TRPM7: variants seen among roughly 807,000 people sequenced by gnomAD.
The protein encoded by TRPM7 is LTRPC ion channel family member 7.
Under a neutral mutation model 229.7 loss-of-function variants are expected in TRPM7, and 134 were observed. That is an observed-to-expected ratio of 0.58 (90% CI 0.51 to 0.67). The LOEUF (loss-of-function observed/expected upper bound fraction) is 0.67. Ranked by LOEUF, TRPM7 falls within the 30% of genes least tolerant of loss-of-function variation. The pLI is 0.00. For missense variants in TRPM7, 1,901 were observed against 2,210.0 expected, an observed-to-expected ratio of 0.86 and a Z score of 2.80; for synonymous variants, 699 against 715.2, an observed-to-expected ratio of 0.98 and a Z score of 0.36.
chr15:50,580,776 A>G, intron 30 of TRPM7, 98 bp downstream of exon 30: 2 of 1,122,342 alleles, frequency 1.8e-6, no homozygotes, highest in Non-Finnish European at 2.5e-6. Flanking sequence ...CATCACTCAT[A>G]AAGAAATGTT....
intron 3 of TRPM7, among the ~76,000 whole-genome samples, chr15:50,652,028 G>T (rs2061433880): frequency 6.6e-6 from 1 of 151,400 alleles, no homozygotes; most frequent in South Asian, 2.1e-4. Context: ...CAGAAGAAAA[G>T]ATATGATAAA....
Position 50,609,835 on chromosome 15 carries a change from AGTT to A in TRPM7, c.2404_2406del (p.Asn802del). The A allele has an allele frequency of 1.2e-6, 2 of 1,612,924 alleles. No homozygotes were observed. The highest frequency in any genetic ancestry group is 1.1e-5 in the South Asian group (1 of 90,796). ...GGGATCTCTTCTGTTATGTTCTGAA[AGTT>A]GTTTTCGCTGTCATCCATTGTCATC... On this transcript the variant is annotated inframe_deletion, in exon 18 of 39. Coordinates refer to ENST00000646667, the MANE Select transcript of TRPM7 (RefSeq NM_017672.6).
intron 13 of TRPM7, among the ~76,000 whole-genome samples, chr15:50,617,176 AAATAAAAT>A (rs1176989296): frequency 7.4e-6 from 1 of 134,836 alleles, no homozygotes; most frequent in East Asian, 2.1e-4. Flanking sequence ...ATAAATAAAT[AAATAAAAT>A]AAATTAGCCA....
Position 50,569,947 on chromosome 15 carries a change from T to C in TRPM7, c.5407A>G (p.Ile1803Val), listed in dbSNP as rs1002808509. 2 of 1,612,568 alleles carry C rather than the reference T, an allele frequency of 1.2e-6. No homozygotes were observed. Among genetic ancestry groups the C allele is most frequent in the Admixed American group, 3.3e-5 (2 of 59,874 alleles). Residue 1803 changes from isoleucine (I) to valine (V), a missense_variant, in exon 38 of 39, where the codon ATT (isoleucine) becomes GTT (valine). Ile to Val is a conservative substitution (Grantham distance 29). This residue lies in a region of TRPM7 where 257 missense variants were observed against 352.0 expected (regional missense o/e 0.73). Coordinates refer to ENST00000646667, the MANE Select transcript of TRPM7 (RefSeq NM_017672.6). The stretch of plus-strand genomic sequence containing the variant: ...TGATGTTTTGCTCTGAAGTTTTTAA[T>C]TGCATCTTCTCCTAGATTTGCTGGG... ...FGPANLGEDA[I>V]KNFRAKHHCN...
intron 13 of TRPM7, among the ~76,000 whole-genome samples, chr15:50,617,132 AAATAAATAAAT>A (rs1280023062): frequency 3.0e-4 from 6 of 19,854 alleles, no homozygotes; most frequent in Non-Finnish European, 4.8e-4. Flanking sequence ...TCTACCAAAA[AAATAAATAAAT>A]AAATAAATAA....
chr15:50,678,768 G>C (rs1013631728), intron 1 of TRPM7, among the ~76,000 whole-genome samples: 2 of 152,060 alleles, frequency 1.3e-5, no homozygotes, highest in African/African-American at 4.8e-5. Context: ...AGTGGCTTAT[G>C]CCTGTAACCC....
chr15:50,625,482 C>T (rs2060530327), intron 11 of TRPM7, among the ~76,000 whole-genome samples: 1 of 152,110 alleles, frequency 6.6e-6, no homozygotes, highest in Admixed American at 6.6e-5. Flanking sequence ...AATCATAGCT[C>T]ACTGCAGCCT....
chr15:50,583,094 T>C lies in TRPM7; in HGVS notation c.4552A>G (p.Ile1518Val). 1.2e-6 allele frequency: 2 copies of C among 1,601,926 alleles called. No homozygotes were observed. The highest frequency in any genetic ancestry group is 1.7e-6 in the Non-Finnish European group (2 of 1,174,946). The change falls in exon 29 of 39, where the codon ATA (isoleucine) becomes GTA (valine). Residue 1518 changes from isoleucine (I) to valine (V), a missense_variant. This residue lies in a region of TRPM7 where 533 missense variants were observed against 497.1 expected (regional missense o/e 1.07). Transcript: ENST00000646667. Reference sequence around the variant, plus strand: ...TTTAGTTGAAATCTACAAACCGGTATTAAAGCTGCTTTGGAATCTACTTCA... The same window carrying C: ...TTTAGTTGAAATCTACAAACCGGTACTAAAGCTGCTTTGGAATCTACTTCA... The part of the protein sequence containing the change: ...THEVDSKAAL[I>V]PDWLQDRPSN...
rs893730814 is a variant in TRPM7, at chr15:50,592,637, G to A, written c.3609-11C>T. 2.0e-6 allele frequency: 3 copies of A among 1,478,894 alleles called. No homozygotes were observed. The highest frequency in any genetic ancestry group is 4.6e-5 in the East Asian group (2 of 43,206). 91.6% of individuals were successfully genotyped at this position (1,478,894 alleles called of 1,614,324 possible). A position where few individuals can be genotyped will look rare whatever the true frequency, so the allele number is the denominator to read the frequency against. ...CACATCTGTTCCACTCTGTAGGAGA[G>A]AAATAAGCTTTTTTTACAAATGTGA... On this transcript the variant is annotated splice_polypyrimidine_tract_variant and intron_variant, in intron 25 of 38. Coordinates refer to ENST00000646667, the MANE Select transcript of TRPM7 (RefSeq NM_017672.6).
chr15:50,677,623 C>T (rs988673719), intron 1 of TRPM7, among the ~76,000 whole-genome samples: 1 of 151,084 alleles, frequency 6.6e-6, no homozygotes, highest in African/African-American at 2.4e-5. Context: ...CCTGTAATCC[C>T]GGCTACTCAG....
intron 1 of TRPM7, among the ~76,000 whole-genome samples, chr15:50,683,411 C>A (rs762185845): frequency 2.8e-4 from 43 of 151,612 alleles, no homozygotes; most frequent in Non-Finnish European, 5.0e-4. Flanking sequence ...TCAGACAACA[C>A]GAATCCACTG....
intron 28 of TRPM7, among the ~76,000 whole-genome samples, chr15:50,585,779 G>A (rs904844599): frequency 2.6e-5 from 4 of 152,196 alleles, no homozygotes; most frequent in South Asian, 2.1e-4. Flanking sequence ...ACTTTTCAAC[G>A]ATGTGCATAT....
Position 50,648,763 on chromosome 15 carries a change from T to A in TRPM7, c.245A>T (p.Lys82Met). The change falls in exon 4 of 39, where the codon AAG becomes ATG. Residue 82 changes from lysine to methionine, a missense_variant. This residue lies in a region of TRPM7 where 794 missense variants were observed against 881.9 expected (regional missense o/e 0.90). Coordinates refer to ENST00000646667, the MANE Select transcript of TRPM7 (RefSeq NM_017672.6). ...ATCCGTTGGGCTCTGTTCTGTATGC[T>A]TTTCCACAGACCATTCTTCTATTGC... ...NQAIEEWSVE[K>M]HTEQSPTDAY... 1 of 1,613,642 alleles carries A rather than the reference T, an allele frequency of 6.2e-7. No individual in the cohort carries two copies. The highest frequency in any genetic ancestry group is 8.5e-7 in the Non-Finnish European group (1 of 1,179,730).
intron 27 of TRPM7, among the ~76,000 whole-genome samples, chr15:50,587,607 ACT>A (rs2059378477): frequency 6.6e-6 from 1 of 151,576 alleles, no homozygotes. Flanking sequence ...CTGTGGGAAA[ACT>A]CTGATGCTTT....
chr15:50,662,913 A>G (rs2061769285), intron 2 of TRPM7, 54 bp downstream of exon 2: 2 of 1,270,294 alleles, frequency 1.6e-6, no homozygotes, highest in South Asian at 1.3e-5. Context: ...AAATAACAAT[A>G]TAATTTACAC....
In TRPM7 at chr15:50,596,336, G is replaced by A. The variant is rs1303823767; in HGVS notation, c.3209C>T (p.Thr1070Met). 5 of 1,609,280 alleles carry A rather than the reference G, an allele frequency of 3.1e-6. No homozygotes were observed. The highest frequency in any genetic ancestry group is 2.2e-5 in the East Asian group (1 of 44,720). Reference sequence around the variant, plus strand: ...TGCTTGAAGAAATGGAGTCAACCACGTCCCAGGACCACAGATTTGAGGGAT... The same window carrying A: ...TGCTTGAAGAAATGGAGTCAACCACATCCCAGGACCACAGATTTGAGGGAT... ...SVIPQICGPGTWLTPFLQAVY... is the reference protein window; with the variant it reads ...SVIPQICGPGMWLTPFLQAVY... The change falls in exon 23 of 39, where the codon ACG becomes ATG. Residue 1070 changes from threonine to methionine, a missense_variant. By Grantham distance (81) the Thr-to-Met change is moderately conservative. This residue lies in a region of TRPM7 where 89 missense variants were observed against 178.2 expected (regional missense o/e 0.50). Coordinates refer to ENST00000646667, the MANE Select transcript of TRPM7 (RefSeq NM_017672.6).
chr15:50,584,611 T>G (rs1369806338), intron 28 of TRPM7, among the ~76,000 whole-genome samples: 1 of 148,550 alleles, frequency 6.7e-6, no homozygotes, highest in African/African-American at 2.5e-5. Flanking sequence ...GTGTTTCAGA[T>G]TTCTGTTTTT....
chr15:50,614,257 G>T lies in TRPM7; in HGVS notation c.1501C>A (p.Leu501Ile). ...HLVRDVKQGN[L>I]PPGYKITLID... is the part of the protein sequence containing the mutation. ...AGAGTGATCTTATATCCTGGAGGAA[G>T]ATTTCCCTAGAAACAAAACATTTGT... The change falls in exon 14 of 39, where the codon CTT becomes ATT. Residue 501 changes from leucine to isoleucine, a missense_variant. Physicochemically the swap from Leu to Ile is conservative, Grantham distance 5. This residue lies in a region of TRPM7 where 794 missense variants were observed against 881.9 expected (regional missense o/e 0.90). Coordinates refer to ENST00000646667, the MANE Select transcript of TRPM7 (RefSeq NM_017672.6). 6.3e-7 allele frequency: 1 copy of T among 1,595,296 alleles called. No individual in the cohort carries two copies. Among genetic ancestry groups the T allele is most frequent in the Non-Finnish European group, 8.5e-7 (1 of 1,174,364 alleles).
chr15:50,583,641 A>G (rs1480481197), intron 28 of TRPM7, among the ~76,000 whole-genome samples: 2 of 151,548 alleles, frequency 1.3e-5, no homozygotes, highest in Non-Finnish European at 2.9e-5. Flanking sequence ...CAGTGGCACA[A>G]TCTCAGCTCA....
Sources: gnomAD v4.1 joint callset for allele counts (sites outside exome capture counted in the v4.1 genomes callset) on GRCh38, gnomAD v4.1.1 for gene constraint, gnomAD v4.1.1 regional missense constraint, MANE v1.5 for transcripts, NCBI Gene and HGNC (gene_info 2026-07-23, HGNC 2026-07-21) for gene names.